The following MELK variants were observed in gnomAD, a reference collection of about 807,000 sequenced individuals.
The protein encoded by MELK is pEg3 kinase.
Under a neutral mutation model 85.0 loss-of-function variants are expected in MELK, and 81 were observed. That is an observed-to-expected ratio of 0.95 (90% CI 0.80 to 1.15). MELK has a LOEUF of 1.15. Among genes scored for constraint, MELK ranks in the 50% most tolerant of loss-of-function variants. The probability of loss-of-function intolerance (pLI) is 0.00; values close to 1 mark genes in which losing one functional copy is unlikely to be tolerated. For missense variants in MELK, 754 were observed against 777.5 expected (o/e 0.97, Z 0.36); for synonymous variants, 252 against 265.0 (o/e 0.95, Z 0.48).
At chr9:36,637,504 A>T (rs1032414529) in intron 10 of MELK, among the ~76,000 whole-genome samples, 1 of 152,204 alleles carries the variant, frequency 6.6e-6, no homozygotes, top group African/African-American at 2.4e-5. Context: ...CCTCACACAG[A>T]TATGTAATTA....
At chr9:36,593,472 C>T (rs1271356738) in intron 4 of MELK, among the ~76,000 whole-genome samples, 11 of 152,138 alleles carry the variant, frequency 7.2e-5, no homozygotes, top group Admixed American at 7.2e-4. Flanking sequence ...CAGAACCTCA[C>T]TAGACACTGA....
chr9:36,624,401 A>G (rs1442104877), intron 8 of MELK, among the ~76,000 whole-genome samples: 1 of 152,198 alleles, frequency 6.6e-6, no homozygotes, highest in East Asian at 1.9e-4. Context: ...AAACAGGGCC[A>G]GAGAGATTGA....
chr9:36,582,874 C>A (rs1822398842), intron 2 of MELK, among the ~76,000 whole-genome samples: 1 of 151,848 alleles, frequency 6.6e-6, no homozygotes, highest in Non-Finnish European at 1.5e-5. Flanking sequence ...CTAGGAAGTT[C>A]TTTTTGGAAA....
At chr9:36,621,947 A>G (rs1827492914) in intron 8 of MELK, among the ~76,000 whole-genome samples, 1 of 152,232 alleles carries the variant, frequency 6.6e-6, no homozygotes, top group Non-Finnish European at 1.5e-5. Context: ...ATAATAAAAA[A>G]GTATATCCTA....
chr9:36,574,430 CAAA>C (rs78915626), intron 1 of MELK, among the ~76,000 whole-genome samples: 3,495 of 79,892 alleles, frequency 0.044, 128 homozygotes, highest in African/African-American at 0.12. Context: ...ACTAAAAATA[CAAA>C]AAAAAAAAAA....
At chr9:36,577,864 G>T (rs563264675) in intron 1 of MELK, among the ~76,000 whole-genome samples, 1 of 151,816 alleles carries the variant, frequency 6.6e-6, no homozygotes, top group South Asian at 2.1e-4. Context: ...TGTTGGTCAG[G>T]CTGGTCTTGA....
chr9:36,599,646 T>C (rs1824705136), intron 7 of MELK, among the ~76,000 whole-genome samples, 160 bp downstream of exon 7: 2 of 152,246 alleles, frequency 1.3e-5, no homozygotes, highest in African/African-American at 4.8e-5. Context: ...TGATTACTTA[T>C]AAATGAAATT....
At position 36,596,841 on chromosome 9, in the gene MELK, C is replaced by T. The variant is rs575637528; in HGVS notation, c.406-381C>T. Among the ~76,000 whole-genome samples the T allele has an allele frequency of 5.3e-5, 8 of 152,274 alleles. No homozygotes were observed. In the East Asian group the frequency reaches 5.8e-4, roughly 11 times the overall value. Reference sequence around the variant, plus strand: ...CCTCAGGTGATGTGCCTGCCTCAGCCTCCCAAAGTGCTGGGATTACAGGCG... The same window carrying T: ...CCTCAGGTGATGTGCCTGCCTCAGCTTCCCAAAGTGCTGGGATTACAGGCG... On this transcript the variant is annotated intron_variant, in intron 5 of 17. Transcript: ENST00000298048.
intron 10 of MELK, among the ~76,000 whole-genome samples, chr9:36,640,934 CTTG>C (rs2136879371): frequency 6.6e-6 from 1 of 152,326 alleles, no homozygotes; most frequent in African/African-American, 2.4e-5. Context: ...TTCTCTTGAG[CTTG>C]TTGTTACAAG....
intron 8 of MELK, among the ~76,000 whole-genome samples, chr9:36,612,712 C>G (rs1826171154): frequency 6.6e-6 from 1 of 152,134 alleles, no homozygotes; most frequent in Non-Finnish European, 1.5e-5. Flanking sequence ...AAAATTGGCT[C>G]AAAAATTAAT....
intron 8 of MELK, among the ~76,000 whole-genome samples, chr9:36,620,110 G>T (rs1202965133): frequency 1.3e-5 from 2 of 152,150 alleles, no homozygotes; most frequent in Admixed American, 6.6e-5. Flanking sequence ...CTAGTGAGTA[G>T]CAGAGCTGGG....
intron 3 of MELK, among the ~76,000 whole-genome samples, chr9:36,588,449 G>A (rs1340372601): frequency 6.9e-6 from 1 of 144,194 alleles, no homozygotes; most frequent in African/African-American, 2.7e-5. Flanking sequence ...GCATGATCTC[G>A]GCTCACCGCA....
At chr9:36,657,160 C>G (rs117820552) in intron 12 of MELK, 81 bp from the exon 13 acceptor site, 9 of 1,430,292 alleles carry the variant, frequency 6.3e-6, no homozygotes, top group Non-Finnish European at 5.7e-6. Flanking sequence ...GTGTCTCTGT[C>G]GTTAAGTGAC....
chr9:36,628,866 T>TC (rs1248450974), intron 8 of MELK, among the ~76,000 whole-genome samples: 11 of 148,004 alleles, frequency 7.4e-5, no homozygotes, highest in Non-Finnish European at 1.5e-4. Context: ...GTATTTTCTT[T>TC]TTTTTTTTTT....
chr9:36,596,590 GTT>G (rs34969370), intron 5 of MELK, among the ~76,000 whole-genome samples: 6 of 91,312 alleles, frequency 6.6e-5, no homozygotes, highest in African/African-American at 1.3e-4. Flanking sequence ...TGTTTTTTTT[GTT>G]TTTTTTTTTT....
chr9:36,636,739 T>TCTTTCTTTCTTC (rs1159364596), intron 10 of MELK, among the ~76,000 whole-genome samples: 1 of 74,570 alleles, frequency 1.3e-5, no homozygotes, highest in East Asian at 3.1e-4. Context: ...TTTCTTTCTT[T>TCTTTCTTTCTTC]CTTTCTTTCT....
chr9:36,615,073 C>CA (rs1219601242), intron 8 of MELK, among the ~76,000 whole-genome samples: 1 of 133,404 alleles, frequency 7.5e-6, no homozygotes, highest in Non-Finnish European at 1.6e-5. Flanking sequence ...GGGGGCTGAC[C>CA]CCCCCCCCAC....
chr9:36,660,168 C>T (rs1236123343), intron 13 of MELK, among the ~76,000 whole-genome samples: 1 of 152,148 alleles, frequency 6.6e-6, no homozygotes, highest in African/African-American at 2.4e-5. Context: ...GTACATTGGG[C>T]TTGTAGATAC....
chr9:36,676,996 C>G (rs955646587), intron 17 of MELK, among the ~76,000 whole-genome samples, 164 bp from the exon 18 acceptor site: 1 of 152,182 alleles, frequency 6.6e-6, no homozygotes, highest in Non-Finnish European at 1.5e-5. Context: ...CAGTCATACT[C>G]TATTACTAAA....
Sources: gnomAD v4.1 joint callset for allele counts (sites outside exome capture counted in the v4.1 genomes callset) on GRCh38, gnomAD v4.1.1 for gene constraint, MANE v1.5 for transcripts, NCBI Gene and HGNC (gene_info 2026-07-23, HGNC 2026-07-21) for gene names.